Variants in ANAPC10 observed in about 807,000 individuals in gnomAD.
The protein encoded by ANAPC10 is anaphase promoting complex subunit 10, also known as anaphase-promoting complex subunit 10.
A neutral mutation model predicts 22.0 loss-of-function variants in ANAPC10; 12 were observed. The observed-to-expected ratio is 0.55, with a 90% confidence interval of 0.35 to 0.88. The LOEUF (loss-of-function observed/expected upper bound fraction) is 0.88, where lower values mean the gene tolerates loss of function less well. Among genes scored for constraint, ANAPC10 ranks in the 40% least tolerant of loss-of-function variants. The pLI, the probability that ANAPC10 is intolerant of heterozygous loss-of-function variation, is 0.01. For synonymous variants in ANAPC10, 65 were observed against 69.5 expected (o/e 0.94, Z 0.32); for missense variants, 188 against 220.9 (o/e 0.85, Z 0.94).
intron 4 of ANAPC10, among the ~76,000 whole-genome samples, chr4:145,049,062 C>T (rs1411345415): frequency 6.6e-6 from 1 of 152,198 alleles, no homozygotes; most frequent in Non-Finnish European, 1.5e-5. Flanking sequence ...TCACACTCTA[C>T]TGTAGTCTAT....
chr4:145,090,873 CTTT>C (rs1049153338), intron 2 of ANAPC10, among the ~76,000 whole-genome samples: 1 of 152,274 alleles, frequency 6.6e-6, no homozygotes, highest in South Asian at 2.1e-4. Flanking sequence ...AAGATTGTGT[CTTT>C]TTTGTCTTTC....
In ANAPC10 at chr4:145,004,448, T is replaced by C. The variant is rs149028589; in HGVS notation, c.328-8845A>G. On this transcript the variant is annotated intron_variant, in intron 4 of 4. Coordinates refer to ENST00000507656, the MANE Select transcript of ANAPC10 (RefSeq NM_001256706.2). ...TTTCAAGAGGAATGCTTCCAGCTTT[T>C]GCCCATTCAGTATGATGTTGGCTGT... Among the ~76,000 whole-genome samples, 669 of 152,334 alleles carry C rather than the reference T, an allele frequency of 4.4e-3. 3 individuals are homozygous for C. Among genetic ancestry groups the C allele is most frequent in the African/African-American group, 0.015 (615 of 41,576 alleles).
chr4:145,035,336 G>C (rs1017505344), intron 4 of ANAPC10: 9 of 152,214 alleles, frequency 5.9e-5, no homozygotes, highest in African/African-American at 2.2e-4. Flanking sequence ...ACGAGTAGCT[G>C]TGCTTCCCTC....
At chr4:145,087,448 C>T (rs1347277806) in intron 2 of ANAPC10, among the ~76,000 whole-genome samples, 13 of 152,056 alleles carry the variant, frequency 8.5e-5, no homozygotes. Flanking sequence ...CCTCAACCTC[C>T]TTAGGCTCTG....
intron 2 of ANAPC10, among the ~76,000 whole-genome samples, chr4:145,094,740 TG>T (rs1748231586): frequency 6.6e-6 from 1 of 150,712 alleles, no homozygotes; most frequent in South Asian, 2.1e-4. Context: ...GCAAATGCCA[TG>T]AACTCAAGAA....
intron 4 of ANAPC10, among the ~76,000 whole-genome samples, chr4:145,055,980 ATC>A (rs1742011268): frequency 6.6e-6 from 1 of 152,220 alleles, no homozygotes. Flanking sequence ...TGCCCAGATA[ATC>A]TCTTTGAAGC....
At chr4:145,027,550 T>C (rs1023510747) in intron 4 of ANAPC10, among the ~76,000 whole-genome samples, 2 of 152,048 alleles carry the variant, frequency 1.3e-5, no homozygotes, top group African/African-American at 2.4e-5. Flanking sequence ...AGGAAACACA[T>C]ATGCAATAAG....
intron 4 of ANAPC10, among the ~76,000 whole-genome samples, chr4:145,056,879 T>G (rs1742145309): frequency 6.6e-6 from 1 of 152,204 alleles, no homozygotes; most frequent in South Asian, 2.1e-4. Flanking sequence ...TTGAATCATA[T>G]CCTGTCATAT....
intron 4 of ANAPC10, among the ~76,000 whole-genome samples, chr4:145,009,674 A>C (rs1733984263): frequency 6.6e-6 from 1 of 152,192 alleles, no homozygotes; most frequent in African/African-American, 2.4e-5. Context: ...AATTAATTCA[A>C]GATGGATTAA....
chr4:145,015,513 AT>A (rs1734982499), intron 4 of ANAPC10, among the ~76,000 whole-genome samples: 1 of 152,132 alleles, frequency 6.6e-6, no homozygotes, highest in Non-Finnish European at 1.5e-5. Flanking sequence ...GAAAAAACGT[AT>A]TTGGGGGAAT....
At chr4:145,035,160 C>A in intron 4 of ANAPC10, 1 of 152,382 alleles carries the variant, frequency 6.6e-6, no homozygotes, top group Non-Finnish European at 1.5e-5. Context: ...GCTGCGACAT[C>A]TGTCACCCCA....
At chr4:145,055,581 A>T (rs1741942001) in intron 4 of ANAPC10, among the ~76,000 whole-genome samples, 2 of 148,782 alleles carry the variant, frequency 1.3e-5, no homozygotes, top group South Asian at 2.1e-4. Flanking sequence ...AAAATTAAAT[A>T]AAAAAAAAAG....
At chr4:145,064,851 T>C (rs1743441036) in intron 3 of ANAPC10, among the ~76,000 whole-genome samples, 159 bp from the exon 4 acceptor site, 1 of 151,896 alleles carries the variant, frequency 6.6e-6, no homozygotes, top group African/African-American at 2.4e-5. Flanking sequence ...AATGTAAAAA[T>C]ATAGGTCCAG....
chr4:145,030,942 G>A (rs1024979428), intron 4 of ANAPC10, among the ~76,000 whole-genome samples: 7 of 152,152 alleles, frequency 4.6e-5, no homozygotes, highest in African/African-American at 1.4e-4. Context: ...GTGGATTATC[G>A]TAAGCTTAAC....
intron 4 of ANAPC10, among the ~76,000 whole-genome samples, chr4:144,998,971 G>T (rs1280600402): frequency 6.6e-6 from 1 of 152,124 alleles, no homozygotes; most frequent in Non-Finnish European, 1.5e-5. Context: ...ACTACCACCA[G>T]AGAATACTAT....
At chr4:145,068,696 G>A (rs960692221) in intron 3 of ANAPC10, among the ~76,000 whole-genome samples, 10 of 152,212 alleles carry the variant, frequency 6.6e-5, no homozygotes, top group African/African-American at 2.2e-4. Context: ...CAGATCACAA[G>A]GCCAAGAGAT....
At chr4:145,035,384 C>T (rs1267190547) in intron 4 of ANAPC10, 2 of 152,220 alleles carry the variant, frequency 1.3e-5, no homozygotes, top group Non-Finnish European at 2.9e-5. Flanking sequence ...TTTTGGAGAG[C>T]AAAAGAGAGG....
At chr4:145,014,857 C>A (rs1209777399) in intron 4 of ANAPC10, among the ~76,000 whole-genome samples, 1 of 152,124 alleles carries the variant, frequency 6.6e-6, no homozygotes, top group East Asian at 1.9e-4. Context: ...CAGCTCGGCT[C>A]TCAGGAAGCC....
chr4:145,026,957 GTATATATATATATA>G (rs1578954678), intron 4 of ANAPC10, among the ~76,000 whole-genome samples: 4 of 18,342 alleles, frequency 2.2e-4, no homozygotes, highest in African/African-American at 2.9e-4. Flanking sequence ...GTGTGTGTGT[GTATATATATATATA>G]TATATATATA....
Sources: gnomAD v4.1 joint callset for allele counts (sites outside exome capture counted in the v4.1 genomes callset) on GRCh38, gnomAD v4.1.1 for gene constraint, MANE v1.5 for transcripts, NCBI Gene and HGNC (gene_info 2026-07-23, HGNC 2026-07-21) for gene names.